The following NADK2 variants were observed in gnomAD, a reference collection of about 807,000 sequenced individuals.
NADK2 encodes NAD kinase 2, mitochondrial.
NADK2 carries 35 observed loss-of-function variants against 62.1 expected under a neutral mutation model. The ratio of observed to expected loss-of-function variants is 0.56; its 90% CI spans 0.43 to 0.75. The LOEUF (loss-of-function observed/expected upper bound fraction) is 0.75. NADK2 is among the 30% of genes least tolerant of loss of function. The pLI is 0.00. For missense variants in NADK2, 439 were observed against 561.3 expected (o/e 0.78, Z 2.20); for synonymous variants, 205 against 207.9 (o/e 0.99, Z 0.12).
Position 36,226,650 on chromosome 5 carries a change from A to C in NADK2, c.390-87T>G, listed in dbSNP as rs1026827387. 48 of 821,546 alleles carry C rather than the reference A, an allele frequency of 5.8e-5. No homozygotes were observed. In the East Asian group the frequency reaches 1.2e-3, roughly 21 times the overall value. The allele number at this position is 821,546 out of a possible 1,614,324, so 50.9% of individuals were successfully genotyped here. On this transcript the variant is annotated intron_variant, in intron 2 of 11. Coordinates refer to ENST00000381937, the MANE Select transcript of NADK2 (RefSeq NM_001085411.3). ...GTTTTCTGAGAGGCAGATGATTACA[A>C]TAGAGATGTAAAATAAATTTGTGTC... is the stretch of plus-strand genomic sequence containing the variant.
intron 1 of NADK2, among the ~76,000 whole-genome samples, chr5:36,234,246 G>A (rs917005747): frequency 1.3e-5 from 2 of 151,032 alleles, no homozygotes; most frequent in African/African-American, 2.4e-5. Context: ...GGTGGCGCGC[G>A]CCTGTAGTCC....
In NADK2 at chr5:36,217,827, T is replaced by A. The variant is rs1196019333; in HGVS notation, c.702A>T (p.Val234=). Residue 234 remains valine, a synonymous_variant, in exon 6 of 12, where the codon GTA becomes GTT. Coordinates refer to ENST00000381937, the MANE Select transcript of NADK2 (RefSeq NM_001085411.3). The part of the protein sequence containing the change: ...LYLEGTGINP[V]PVDLHEQQLS... Reference sequence around the variant, plus strand: ...GCTGCTGCTCGTGAAGGTCCACAGGTACAGGGTTTATGCCAGTCCCTTCAA... The same window carrying A: ...GCTGCTGCTCGTGAAGGTCCACAGGAACAGGGTTTATGCCAGTCCCTTCAA... 1 of 1,613,882 alleles carries A rather than the reference T, an allele frequency of 6.2e-7. No individual in the cohort carries two copies. The highest frequency in any genetic ancestry group is 1.3e-5 in the African/African-American group (1 of 74,914).
At chr5:36,237,890 G>C (rs1429433494) in intron 1 of NADK2, among the ~76,000 whole-genome samples, 1 of 152,166 alleles carries the variant, frequency 6.6e-6, no homozygotes, top group East Asian at 1.9e-4. Flanking sequence ...CTGAGTCAGA[G>C]TCTTGCGGGG....
chr5:36,207,012 G>A (rs1301088359), intron 8 of NADK2, among the ~76,000 whole-genome samples, 158 bp downstream of exon 8: 1 of 151,884 alleles, frequency 6.6e-6, no homozygotes, highest in African/African-American at 2.4e-5. Context: ...GTCAAGGCAG[G>A]ACTACTAGAC....
At chr5:36,216,059 T>C (rs1401313255) in intron 6 of NADK2, among the ~76,000 whole-genome samples, 1 of 152,172 alleles carries the variant, frequency 6.6e-6, no homozygotes, top group East Asian at 1.9e-4. Context: ...CCACCAACAG[T>C]GTACAAGAGT....
At chr5:36,202,527 G>A (rs554790255) in intron 8 of NADK2, among the ~76,000 whole-genome samples, 1 of 152,182 alleles carries the variant, frequency 6.6e-6, no homozygotes, top group South Asian at 2.1e-4. Context: ...CCTGTCTCCT[G>A]TGGAAGAATT....
chr5:36,198,386 G>A (rs960209997), intron 10 of NADK2, among the ~76,000 whole-genome samples: 47 of 151,654 alleles, frequency 3.1e-4, no homozygotes, highest in African/African-American at 1.1e-3. Context: ...AATAAAATTT[G>A]GCTTCATGAG....
At chr5:36,197,048 A>T (rs532867040) in intron 11 of NADK2, among the ~76,000 whole-genome samples, 1 of 152,160 alleles carries the variant, frequency 6.6e-6, no homozygotes, top group East Asian at 1.9e-4. Context: ...AATTACATCC[A>T]CTTTTTTATA....
intron 9 of NADK2, 86 bp downstream of exon 9, chr5:36,201,020 C>T (rs1746425489): frequency 1.2e-5 from 13 of 1,100,748 alleles, no homozygotes; most frequent in Admixed American, 7.4e-5. Flanking sequence ...TTGGTAGTAT[C>T]CAAGGTTTCA....
At chr5:36,219,457 C>G (rs769144761) in intron 5 of NADK2, 139 bp downstream of exon 5, 2 of 632,824 alleles carry the variant, frequency 3.2e-6, no homozygotes, top group Non-Finnish European at 5.4e-6. Flanking sequence ...GTGATCCACC[C>G]GCATCGGCCT....
chr5:36,232,044 A>C (rs1390971745), intron 1 of NADK2, among the ~76,000 whole-genome samples: 1 of 152,194 alleles, frequency 6.6e-6, no homozygotes, highest in African/African-American at 2.4e-5. Flanking sequence ...AGTTTCTCCT[A>C]CAGAATCTCC....
At chr5:36,236,752 A>G (rs922387139) in intron 1 of NADK2, among the ~76,000 whole-genome samples, 9 of 152,018 alleles carry the variant, frequency 5.9e-5, no homozygotes, top group African/African-American at 2.2e-4. Flanking sequence ...ATAATCACAG[A>G]TAAGTATTAT....
At position 36,205,273 on chromosome 5, in the gene NADK2, T is replaced by C. The variant is rs1338347216; in HGVS notation, c.956+1897A>G. On this transcript the variant is annotated intron_variant, in intron 8 of 11. Transcript: ENST00000381937. This position sits in a 1 kb window ranked among gnomAD's most constrained non-coding sequence, Gnocchi z 4.1. ...GTTAGGGAAGGATGAAAATGATTAA[T>C]TCACTGTCTTTATGAAACAGGTGAG... 6.6e-6 allele frequency among the ~76,000 whole-genome samples: 1 copy of C among 151,888 alleles called. No homozygotes were observed. The highest frequency in any genetic ancestry group is 1.5e-5 in the Non-Finnish European group (1 of 67,950).
chr5:36,233,099 C>T (rs1344531530), intron 1 of NADK2, among the ~76,000 whole-genome samples: 3 of 152,140 alleles, frequency 2.0e-5, no homozygotes, highest in Non-Finnish European at 4.4e-5. Context: ...CAAATAATTA[C>T]ATCTGTGAAG....
intron 6 of NADK2, among the ~76,000 whole-genome samples, chr5:36,213,931 C>T (rs1746949862): frequency 6.6e-6 from 1 of 151,976 alleles, no homozygotes; most frequent in Non-Finnish European, 1.5e-5. Flanking sequence ...TGACTTTCCA[C>T]CTCTATTCCC....
Position 36,208,343 on chromosome 5 carries a change from C to G in NADK2, c.861-1078G>C, listed in dbSNP as rs893455324. Among the ~76,000 whole-genome samples the G allele has an allele frequency of 2.6e-5, 4 of 152,118 alleles. No homozygotes were observed. In the East Asian group the frequency reaches 7.7e-4, roughly 29 times the overall value. On this transcript the variant is annotated intron_variant, in intron 7 of 11. Coordinates refer to ENST00000381937, the MANE Select transcript of NADK2 (RefSeq NM_001085411.3). Reference sequence around the variant, plus strand: ...TTGTTATGTCTTCCTAGAAAACACACATTAGGAGCCTATTATGTACAGACA... The same window carrying G: ...TTGTTATGTCTTCCTAGAAAACACAGATTAGGAGCCTATTATGTACAGACA...
In NADK2 at chr5:36,193,985, T is replaced by A. The variant is rs1746128240; in HGVS notation, c.*1159A>T. The A allele has an allele frequency of 6.6e-6, 1 of 152,604 alleles. No homozygotes were observed. The highest frequency in any genetic ancestry group is 2.4e-5 in the African/African-American group (1 of 41,442). The allele number at this position is 152,604 out of a possible 1,614,324, so 9.5% of individuals were successfully genotyped here. On this transcript the variant is annotated 3_prime_UTR_variant, in exon 12 of 12. Coordinates refer to ENST00000381937, the MANE Select transcript of NADK2 (RefSeq NM_001085411.3). ...TTCAGCACCAAATGAAAGAAACACA[T>A]GACTTTGAACAACGGCACGAGAATA...
Position 36,193,669 on chromosome 5 carries a change from ACTT to A in NADK2, c.*1472_*1474del, listed in dbSNP as rs1746112837. On this transcript the variant is annotated 3_prime_UTR_variant, in exon 12 of 12. Coordinates refer to ENST00000381937, the MANE Select transcript of NADK2 (RefSeq NM_001085411.3). ...CTTTGCTATGAATGTCTACGCAGAT[ACTT>A]TAAGAAAAATTGATTCTCTGGATAT... 1 of 152,324 alleles carries A rather than the reference ACTT, an allele frequency of 6.6e-6. No homozygotes were observed. The highest frequency in any genetic ancestry group is 2.4e-5 in the African/African-American group (1 of 41,436). The allele number at this position is 152,324 out of a possible 1,614,324, so 9.4% of individuals were successfully genotyped here. A position where few individuals can be genotyped will look rare whatever the true frequency, so the allele number is the denominator to read the frequency against.
intron 1 of NADK2, among the ~76,000 whole-genome samples, chr5:36,231,356 C>T (rs760311863): frequency 1.3e-5 from 2 of 152,180 alleles, no homozygotes; most frequent in Non-Finnish European, 2.9e-5. Context: ...CATCAGAATA[C>T]TTAACATTGA....
Sources: gnomAD v4.1 joint callset for allele counts (sites outside exome capture counted in the v4.1 genomes callset) on GRCh38, gnomAD v4.1.1 for gene constraint, Gnocchi (gnomAD v3.1) non-coding constraint, MANE v1.5 for transcripts, NCBI Gene and HGNC (gene_info 2026-07-23, HGNC 2026-07-21) for gene names.